The following AGBL1 variants were observed in gnomAD, a reference collection of about 807,000 sequenced individuals.
AGBL1 encodes the protein AGBL carboxypeptidase 1.
A neutral mutation model predicts 118.9 loss-of-function variants in AGBL1; 130 were observed. The ratio of observed to expected loss-of-function variants is 1.09; its 90% confidence interval spans 0.95 to 1.26. The LOEUF (loss-of-function observed/expected upper bound fraction) is 1.26. Ranked by LOEUF, AGBL1 falls within the 50% of genes most tolerant of loss-of-function variation. The pLI, the probability that AGBL1 is intolerant of heterozygous loss-of-function variation, is 0.00. For synonymous variants in AGBL1, 555 were observed against 478.9 expected, an observed-to-expected ratio of 1.16 and a Z score of -2.08; for missense variants, 1,584 against 1,298.1, an observed-to-expected ratio of 1.22 and a Z score of -3.38.
chr15:86,631,300 G>A (rs181736296), intron 21 of AGBL1, among the ~76,000 whole-genome samples: 5 of 149,320 alleles, frequency 3.3e-5, no homozygotes, highest in African/African-American at 1.2e-4. Flanking sequence ...GGAGACGTAG[G>A]TTTGGGGAGA....
At chr15:86,188,707 A>G (rs1018228675) in intron 5 of AGBL1, among the ~76,000 whole-genome samples, 9 of 152,202 alleles carry the variant, frequency 5.9e-5, no homozygotes, top group Non-Finnish European at 1.3e-4. Flanking sequence ...TTGACTTTAT[A>G]AAAATGGGAA....
chr15:86,340,451 G>T (rs901785798), intron 17 of AGBL1, among the ~76,000 whole-genome samples: 11 of 152,112 alleles, frequency 7.2e-5, no homozygotes, highest in African/African-American at 2.7e-4. Context: ...ACATGGAGGA[G>T]AGGATACAAA....
intron 22 of AGBL1, among the ~76,000 whole-genome samples, chr15:86,801,871 A>G (rs2078654757): frequency 6.6e-6 from 1 of 152,066 alleles, no homozygotes; most frequent in Non-Finnish European, 1.5e-5. Flanking sequence ...CTGCAGAGGA[A>G]CCTGGAGCTC....
chr15:86,154,892 C>T (rs1217304969), intron 4 of AGBL1, among the ~76,000 whole-genome samples: 1 of 152,114 alleles, frequency 6.6e-6, no homozygotes, highest in Non-Finnish European at 1.5e-5. Flanking sequence ...GAAGGGCAGA[C>T]TTTATTTAGT....
intron 18 of AGBL1, among the ~76,000 whole-genome samples, chr15:86,413,091 G>A (rs2081644490): frequency 6.6e-6 from 1 of 151,862 alleles, no homozygotes; most frequent in African/African-American, 2.4e-5. Context: ...CATTATACAT[G>A]GAATCAGAAG....
At chr15:86,937,662 A>C (rs1025700709) in intron 23 of AGBL1, among the ~76,000 whole-genome samples, 1 of 152,158 alleles carries the variant, frequency 6.6e-6, no homozygotes, top group Admixed American at 6.5e-5. Context: ...TGGAGGATGG[A>C]AGGAGGGAGA....
chr15:86,485,996 A>G (rs2082707782), intron 18 of AGBL1, among the ~76,000 whole-genome samples: 2 of 152,096 alleles, frequency 1.3e-5, no homozygotes, highest in African/African-American at 2.4e-5. Flanking sequence ...GAGGCTGAGC[A>G]TTGGCATCAC....
chr15:86,474,339 T>C (rs2082522867), intron 18 of AGBL1, among the ~76,000 whole-genome samples: 1 of 152,202 alleles, frequency 6.6e-6, no homozygotes, highest in Middle Eastern at 3.2e-3. Flanking sequence ...AGTGAAGCTG[T>C]GACAGATGGC....
At chr15:86,666,837 T>C (rs2085653153) in intron 21 of AGBL1, among the ~76,000 whole-genome samples, 1 of 152,168 alleles carries the variant, frequency 6.6e-6, no homozygotes, top group African/African-American at 2.4e-5. Context: ...CACTAAAAAG[T>C]CAAAGGGCTT....
intron 24 of AGBL1, among the ~76,000 whole-genome samples, chr15:87,001,898 G>C (rs1456585001): frequency 1.3e-5 from 2 of 151,964 alleles, no homozygotes; most frequent in Non-Finnish European, 2.9e-5. Context: ...AGATGACTAG[G>C]TTGCAAAAAT....
intron 23 of AGBL1, among the ~76,000 whole-genome samples, chr15:86,946,843 C>CAAA (rs11355715): frequency 4.9e-4 from 49 of 100,056 alleles, no homozygotes; most frequent in South Asian, 7.7e-4. Flanking sequence ...AAACTCGGTC[C>CAAA]AAAAAAAAAA....
At chr15:86,663,446 A>G (rs1338445230) in intron 21 of AGBL1, among the ~76,000 whole-genome samples, 2 of 151,988 alleles carry the variant, frequency 1.3e-5, no homozygotes, top group Non-Finnish European at 2.9e-5. Context: ...TAAAGAGATT[A>G]CTCCTGCTAG....
At chr15:86,359,325 C>T (rs893045354) in intron 17 of AGBL1, among the ~76,000 whole-genome samples, 9 of 149,296 alleles carry the variant, frequency 6.0e-5, no homozygotes, top group African/African-American at 2.0e-4. Flanking sequence ...ATTCAGTTGA[C>T]TGTACTTCCT....
chr15:86,614,338 T>TGTTCACATG (rs79296475), intron 21 of AGBL1, among the ~76,000 whole-genome samples: 3,416 of 152,298 alleles, frequency 0.022, 55 homozygotes, highest in East Asian at 0.047. Flanking sequence ...ATAATATTGC[T>TGTTCACATG]GTTCACATGA....
intron 1 of AGBL1, among the ~76,000 whole-genome samples, chr15:86,122,243 C>T (rs894545935): frequency 1.1e-4 from 16 of 152,120 alleles, no homozygotes; most frequent in African/African-American, 1.4e-4. Flanking sequence ...CTGTTGCAAA[C>T]GGAGTAATGG....
intron 23 of AGBL1, among the ~76,000 whole-genome samples, chr15:86,958,351 G>A (rs1056471135): frequency 3.9e-5 from 6 of 152,076 alleles, no homozygotes; most frequent in Non-Finnish European, 7.4e-5. Flanking sequence ...ATTGCCAAAT[G>A]CCCTCTGGAG....
At chr15:86,212,008 G>A (rs2078107241) in intron 5 of AGBL1, among the ~76,000 whole-genome samples, 1 of 152,064 alleles carries the variant, frequency 6.6e-6, no homozygotes, top group African/African-American at 2.4e-5. Context: ...TTGTCTCCTG[G>A]AATTCTTGTT....
chr15:86,852,964 G>A lies in AGBL1; in HGVS notation c.3159-54123G>A, dbSNP rs1289515612. ...CTTCGTTGTTTTTAAAGCTTCCCAG[G>A]TGAATCATTTGTGGTCAGAGTTGAA... On this transcript the variant is annotated intron_variant, in intron 22 of 22. Transcript: ENST00000614907. Among the ~76,000 whole-genome samples the A allele has an allele frequency of 2.0e-5, 3 of 152,134 alleles. No individual in the cohort carries two copies. The East Asian group carries it at 5.8e-4, about 29-fold the overall frequency.
chr15:86,530,838 A>G (rs1011293290), intron 19 of AGBL1, among the ~76,000 whole-genome samples: 7 of 116,692 alleles, frequency 6.0e-5, no homozygotes, highest in African/African-American at 2.3e-4. Flanking sequence ...TGGAAACTGA[A>G]CAACCTGCTC....
Sources: gnomAD v4.1 joint callset for allele counts (sites outside exome capture counted in the v4.1 genomes callset) on GRCh38, gnomAD v4.1.1 for gene constraint, MANE v1.5 for transcripts, NCBI Gene and HGNC (gene_info 2026-07-23, HGNC 2026-07-21) for gene names.